Variants in CNTNAP2 observed in about 807,000 individuals in gnomAD.
CNTNAP2 encodes the protein contactin-associated protein-like 2.
A neutral mutation model predicts 155.2 loss-of-function variants in CNTNAP2; 98 were observed. The ratio of observed to expected loss-of-function variants is 0.63; its 90% CI spans 0.54 to 0.75. The LOEUF is 0.75. CNTNAP2 is among the 30% of genes least tolerant of loss of function. The probability of loss-of-function intolerance (pLI) is 0.00; values close to 1 mark genes in which losing one functional copy is unlikely to be tolerated. For missense variants in CNTNAP2, 1,727 were observed against 1,688.1 expected (o/e 1.02, Z -0.40); for synonymous variants, 651 against 631.2 (o/e 1.03, Z -0.47).
chr7:146,300,343 T>G (rs1249661251), intron 1 of CNTNAP2, among the ~76,000 whole-genome samples: 3 of 151,580 alleles, frequency 2.0e-5, no homozygotes, highest in Non-Finnish European at 1.5e-5. Context: ...ACTTTTTATG[T>G]GGTGGACATG....
intron 13 of CNTNAP2, among the ~76,000 whole-genome samples, chr7:147,758,424 GTTTCT>G (rs1797249205): frequency 2.0e-5 from 3 of 152,190 alleles, no homozygotes; most frequent in Admixed American, 2.0e-4. Context: ...CTCTGGTTTA[GTTTCT>G]GATGCCCTGA....
At chr7:146,324,100 TA>T (rs1263621991) in intron 1 of CNTNAP2, among the ~76,000 whole-genome samples, 6 of 151,988 alleles carry the variant, frequency 3.9e-5, no homozygotes, top group Non-Finnish European at 8.8e-5. Context: ...AAAATACCCT[TA>T]AAAAGATAAC....
At chr7:146,895,698 T>C (rs1010597109) in intron 3 of CNTNAP2, among the ~76,000 whole-genome samples, 1 of 152,146 alleles carries the variant, frequency 6.6e-6, no homozygotes, top group African/African-American at 2.4e-5. Flanking sequence ...CATGGCACCA[T>C]GGACACATAA....
At chr7:146,696,865 G>A (rs543439668) in intron 1 of CNTNAP2, among the ~76,000 whole-genome samples, 181 of 152,092 alleles carry the variant, frequency 1.2e-3, no homozygotes, top group Non-Finnish European at 1.1e-3. Context: ...TCATTCTGGT[G>A]TAACAGTATA....
chr7:148,299,778 A>T (rs1022795478), intron 21 of CNTNAP2, among the ~76,000 whole-genome samples: 1 of 152,244 alleles, frequency 6.6e-6, no homozygotes, highest in African/African-American at 2.4e-5. Flanking sequence ...GTCTTTGCCC[A>T]GTAGGCTTTT....
intron 9 of CNTNAP2, among the ~76,000 whole-genome samples, chr7:147,354,912 T>A (rs1796037081): frequency 6.6e-6 from 1 of 152,084 alleles, no homozygotes; most frequent in Non-Finnish European, 1.5e-5. Context: ...TGAATGGGAG[T>A]TTGCTCATGA....
intron 3 of CNTNAP2, among the ~76,000 whole-genome samples, chr7:146,923,060 C>A (rs1437208244): frequency 6.6e-6 from 1 of 152,138 alleles, no homozygotes; most frequent in Non-Finnish European, 1.5e-5. Context: ...CAAGGTCATG[C>A]AGAAAATTCC....
chr7:146,369,034 TATATATATATATATATAC>T (rs1356899245), intron 1 of CNTNAP2, among the ~76,000 whole-genome samples: 3 of 100,628 alleles, frequency 3.0e-5, no homozygotes, highest in Non-Finnish European at 5.5e-5. Flanking sequence ...ATTATGTATA[TATATATATATATATATAC>T]ATATATATAT....
chr7:147,620,156 G>T (rs1353243802), intron 12 of CNTNAP2, among the ~76,000 whole-genome samples: 2 of 152,214 alleles, frequency 1.3e-5, no homozygotes, highest in Non-Finnish European at 2.9e-5. Context: ...TTACAGCTTA[G>T]ATCACAATAC....
At chr7:146,180,780 TTATG>T (rs2116835461) in intron 1 of CNTNAP2, among the ~76,000 whole-genome samples, 1 of 152,300 alleles carries the variant, frequency 6.6e-6, no homozygotes, top group Admixed American at 6.5e-5. Context: ...TGTCCTCACT[TTATG>T]TATTAAACAA....
intron 1 of CNTNAP2, among the ~76,000 whole-genome samples, chr7:146,363,164 T>C (rs1242844979): frequency 1.3e-5 from 2 of 152,296 alleles, no homozygotes; most frequent in South Asian, 2.1e-4. Flanking sequence ...AATCAACATG[T>C]ACTAATTTTT....
At chr7:147,619,107 T>C (rs1801346524) in intron 12 of CNTNAP2, among the ~76,000 whole-genome samples, 1 of 152,222 alleles carries the variant, frequency 6.6e-6, no homozygotes, top group East Asian at 1.9e-4. Context: ...GGTGATTACA[T>C]GATGAGACAG....
At chr7:148,318,100 C>T (rs1017588381) in intron 21 of CNTNAP2, among the ~76,000 whole-genome samples, 2 of 152,180 alleles carry the variant, frequency 1.3e-5, no homozygotes, top group Non-Finnish European at 2.9e-5. Flanking sequence ...TTTTGGAATG[C>T]TTTTCTTGGG....
At chr7:146,954,472 C>G (rs907616299) in intron 3 of CNTNAP2, among the ~76,000 whole-genome samples, 1 of 151,924 alleles carries the variant, frequency 6.6e-6, no homozygotes, top group Non-Finnish European at 1.5e-5. Flanking sequence ...AAACATACTT[C>G]TTTACGTAAA....
intron 8 of CNTNAP2, among the ~76,000 whole-genome samples, chr7:147,293,260 C>A (rs919108729): frequency 2.0e-5 from 3 of 152,086 alleles, no homozygotes; most frequent in African/African-American, 7.2e-5. Flanking sequence ...GTACCTTGTA[C>A]CTGCCCAAGC....
At chr7:146,822,155 G>C (rs1005774220) in intron 2 of CNTNAP2, among the ~76,000 whole-genome samples, 1 of 152,100 alleles carries the variant, frequency 6.6e-6, no homozygotes, top group African/African-American at 2.4e-5. Context: ...AAAATGATGA[G>C]TTCATGTCCT....
chr7:146,482,217 A>C (rs1796970810), intron 1 of CNTNAP2, among the ~76,000 whole-genome samples: 1 of 150,956 alleles, frequency 6.6e-6, no homozygotes, highest in East Asian at 1.9e-4. Flanking sequence ...AAAAAAAAAA[A>C]AAAAAAAAAC....
At chr7:148,387,084 G>A (rs527974064) in intron 22 of CNTNAP2, among the ~76,000 whole-genome samples, 4 of 152,250 alleles carry the variant, frequency 2.6e-5, no homozygotes, top group South Asian at 4.2e-4. Flanking sequence ...AAAGCCACCC[G>A]TAAGAGGGAG....
intron 21 of CNTNAP2, among the ~76,000 whole-genome samples, chr7:148,301,442 A>C (rs1360255222): frequency 4.6e-5 from 7 of 151,452 alleles, no homozygotes; most frequent in African/African-American, 1.7e-4. Flanking sequence ...AAATGTGTAG[A>C]AACAGATGGA....
Sources: allele counts gnomAD v4.1 joint callset (sites outside exome capture counted in the v4.1 genomes callset), GRCh38; gene constraint gnomAD v4.1.1; transcripts MANE v1.5; gene names NCBI Gene and HGNC (gene_info 2026-07-23, HGNC 2026-07-21).